The following WWOX variants were observed in gnomAD, a reference collection of about 807,000 sequenced individuals.
The protein encoded by WWOX is WW domain-containing oxidoreductase.
WWOX carries 69 observed loss-of-function variants against 46.2 expected under a neutral mutation model. The ratio of observed to expected loss-of-function variants is 1.49; its 90% CI spans 1.23 to 1.82. WWOX has a LOEUF of 1.82. Among genes scored for constraint, WWOX ranks in the 40% most tolerant of loss-of-function variants. The pLI is 0.00. For synonymous variants in WWOX, 359 were observed against 202.6 expected (o/e 1.77, Z -6.56); for missense variants, 919 against 542.6 (o/e 1.69, Z -6.89).
chr16:78,256,545 C>A (rs1204539023), intron 5 of WWOX, among the ~76,000 whole-genome samples: 1 of 151,706 alleles, frequency 6.6e-6, no homozygotes, highest in East Asian at 2.0e-4. Flanking sequence ...AATGTAATGA[C>A]CCTCTCCTGG....
chr16:78,177,701 A>G (rs960568433), intron 5 of WWOX, among the ~76,000 whole-genome samples: 1 of 152,192 alleles, frequency 6.6e-6, no homozygotes, highest in Admixed American at 6.5e-5. Flanking sequence ...AGGTCCTGGC[A>G]GCCATCACTG....
chr16:79,103,172 C>G (rs1048147307), intron 8 of WWOX, among the ~76,000 whole-genome samples: 8 of 152,194 alleles, frequency 5.3e-5, no homozygotes, highest in African/African-American at 1.9e-4. Context: ...CCCTCCTCTG[C>G]CTCTCCCTAG....
chr16:78,333,065 T>TTTTTTTTTTTTTTTTTTTTTTTTTC (rs2080800572), intron 5 of WWOX, among the ~76,000 whole-genome samples: 1 of 129,972 alleles, frequency 7.7e-6, no homozygotes, highest in African/African-American at 3.0e-5. Context: ...TTTTTTTTTT[T>TTTTTTTTTTTTTTTTTTTTTTTTTC]TTGAGACAGA....
intron 8 of WWOX, among the ~76,000 whole-genome samples, chr16:78,977,384 A>G (rs1408128972): frequency 6.6e-6 from 1 of 152,140 alleles, no homozygotes; most frequent in Non-Finnish European, 1.5e-5. Context: ...CGTTATGACC[A>G]TAGAAGTTTG....
At chr16:78,425,549 C>T (rs936213833) in intron 7 of WWOX, among the ~76,000 whole-genome samples, 3 of 152,202 alleles carry the variant, frequency 2.0e-5, no homozygotes, top group South Asian at 4.1e-4. Flanking sequence ...GAAATCTGGC[C>T]GTGCCTCTTT....
chr16:78,723,408 C>T (rs771918003), intron 8 of WWOX, among the ~76,000 whole-genome samples: 9 of 151,612 alleles, frequency 5.9e-5, no homozygotes, highest in Non-Finnish European at 1.2e-4. Flanking sequence ...ACAAGATGCC[C>T]TGATGGTGCC....
intron 8 of WWOX, among the ~76,000 whole-genome samples, chr16:78,981,105 C>A (rs570507794): frequency 6.6e-6 from 1 of 152,248 alleles, no homozygotes; most frequent in Admixed American, 6.5e-5. Flanking sequence ...CTGTGGAGTC[C>A]CATGCCTTGG....
chr16:78,215,052 G>A lies in WWOX; in HGVS notation c.516+50763G>A, dbSNP rs773833307. Among the ~76,000 whole-genome samples the A allele has an allele frequency of 3.3e-5, 5 of 152,312 alleles. No homozygotes were observed. In the South Asian group the frequency reaches 6.2e-4, roughly 19 times the overall value. On this transcript the variant is annotated intron_variant, in intron 5 of 8. Coordinates refer to ENST00000566780, the MANE Select transcript of WWOX (RefSeq NM_016373.4). ...GTTCAGTGGTTTGAGACATGGCGGGGTTTGGTAGTAGATGTAGGATATTGC... is the reference window on the plus strand; with the variant it reads ...GTTCAGTGGTTTGAGACATGGCGGGATTTGGTAGTAGATGTAGGATATTGC...
At chr16:78,380,234 G>A (rs909945678) in intron 5 of WWOX, among the ~76,000 whole-genome samples, 38 of 152,120 alleles carry the variant, frequency 2.5e-4, no homozygotes, top group African/African-American at 8.9e-4. Flanking sequence ...GGAGGGTTGG[G>A]GGATGAGAGG....
At chr16:78,932,433 C>G (rs868135345) in intron 8 of WWOX, among the ~76,000 whole-genome samples, 2 of 152,172 alleles carry the variant, frequency 1.3e-5, no homozygotes, top group Admixed American at 1.3e-4. Context: ...TCAGAGAGTT[C>G]TTTTTCACTT....
intron 8 of WWOX, among the ~76,000 whole-genome samples, chr16:78,708,681 T>C (rs868555011): frequency 1.3e-5 from 2 of 152,184 alleles, no homozygotes; most frequent in Admixed American, 6.5e-5. Flanking sequence ...ACCCAGTGAG[T>C]TCAGTGGCTT....
intron 8 of WWOX, among the ~76,000 whole-genome samples, chr16:79,135,838 T>A (rs947091172): frequency 6.6e-6 from 1 of 152,220 alleles, no homozygotes; most frequent in South Asian, 2.1e-4. Context: ...TTTGTACTTT[T>A]ATTGACCATT....
At chr16:78,738,041 A>C (rs570231379) in intron 8 of WWOX, among the ~76,000 whole-genome samples, 1 of 152,200 alleles carries the variant, frequency 6.6e-6, no homozygotes, top group South Asian at 2.1e-4. Flanking sequence ...TGTGGCCATA[A>C]GCAAGTCAAG....
At chr16:78,211,753 A>C (rs1025236553) in intron 5 of WWOX, among the ~76,000 whole-genome samples, 20 of 152,246 alleles carry the variant, frequency 1.3e-4, no homozygotes, top group Non-Finnish European at 2.1e-4. Context: ...CTGGCTTTGC[A>C]GCACAGCTAG....
At chr16:78,718,952 G>A (rs953791567) in intron 8 of WWOX, among the ~76,000 whole-genome samples, 12 of 151,656 alleles carry the variant, frequency 7.9e-5, no homozygotes, top group Non-Finnish European at 1.5e-4. Context: ...GAAATAATCT[G>A]CACTAACCAC....
intron 8 of WWOX, among the ~76,000 whole-genome samples, chr16:78,730,978 C>T (rs1255645971): frequency 6.6e-6 from 1 of 152,166 alleles, no homozygotes; most frequent in Non-Finnish European, 1.5e-5. Context: ...AGTAACTCAA[C>T]TTACAGTATC....
At chr16:78,924,007 G>A (rs930268627) in intron 8 of WWOX, among the ~76,000 whole-genome samples, 5 of 151,854 alleles carry the variant, frequency 3.3e-5, no homozygotes, top group Non-Finnish European at 5.9e-5. Context: ...AGTAGAGACG[G>A]GGTTTCACCG....
At chr16:78,188,656 T>A (rs2035786441) in intron 5 of WWOX, among the ~76,000 whole-genome samples, 1 of 152,084 alleles carries the variant, frequency 6.6e-6, no homozygotes, top group South Asian at 2.1e-4. Context: ...CAGCAAATGT[T>A]ACTTGATAGA....
At chr16:79,209,686 C>T (rs949458270) in intron 8 of WWOX, among the ~76,000 whole-genome samples, 2 of 152,140 alleles carry the variant, frequency 1.3e-5, no homozygotes, top group African/African-American at 4.8e-5. Context: ...CTCTAAGATT[C>T]CAGGCCAAAA....
Sources: gnomAD v4.1 joint callset for allele counts (sites outside exome capture counted in the v4.1 genomes callset) on GRCh38, gnomAD v4.1.1 for gene constraint, MANE v1.5 for transcripts, NCBI Gene and HGNC (gene_info 2026-07-23, HGNC 2026-07-21) for gene names.